The following GAB4 variants were observed in gnomAD, a reference collection of about 807,000 sequenced individuals.
GAB4 encodes the protein GRB2 associated binding protein family member 4.
A neutral mutation model predicts 51.3 loss-of-function variants in GAB4; 26 were observed. The observed-to-expected ratio is 0.51, with a 90% CI of 0.37 to 0.70. GAB4 has a LOEUF of 0.70. GAB4 is among the 30% of genes least tolerant of loss of function. The pLI, the probability that GAB4 is intolerant of heterozygous loss-of-function variation, is 0.00. For synonymous variants in GAB4, 329 were observed against 291.2 expected (o/e 1.13, Z -1.32); for missense variants, 759 against 734.6 (o/e 1.03, Z -0.38).
At chr22:16,976,018 T>C (rs1423068002) in intron 3 of GAB4, among the ~76,000 whole-genome samples, 1 of 151,636 alleles carries the variant, frequency 6.6e-6, no homozygotes, top group African/African-American at 2.4e-5. Flanking sequence ...AAAAACCCTA[T>C]CCGAAGATCA....
At chr22:16,993,188 A>G (rs1340926283) in intron 1 of GAB4, among the ~76,000 whole-genome samples, 1 of 152,172 alleles carries the variant, frequency 6.6e-6, no homozygotes, top group Non-Finnish European at 1.5e-5. Flanking sequence ...ACACAGGGAT[A>G]AAAGACTACC....
chr22:16,978,126 C>A (rs111580550), intron 3 of GAB4, among the ~76,000 whole-genome samples: 3,378 of 151,776 alleles, frequency 0.022, 58 homozygotes, highest in Middle Eastern at 0.068. Context: ...AAAGAACTAG[C>A]GAAGCAAGAG....
At chr22:17,005,798 G>A (rs376940658) in intron 1 of GAB4, among the ~76,000 whole-genome samples, 5 of 152,338 alleles carry the variant, frequency 3.3e-5, no homozygotes, top group Admixed American at 6.5e-5. Flanking sequence ...CTAGCCATGG[G>A]CAGAAAACTG....
At chr22:16,995,997 AAAC>A (rs2060946471) in intron 1 of GAB4, among the ~76,000 whole-genome samples, 1 of 152,034 alleles carries the variant, frequency 6.6e-6, no homozygotes, top group Admixed American at 6.6e-5. Context: ...AGATGGGTAA[AAAC>A]AAACTCCTCT....
intron 3 of GAB4, among the ~76,000 whole-genome samples, chr22:16,973,053 G>C (rs2060745811): frequency 1.3e-5 from 2 of 152,188 alleles, no homozygotes; most frequent in Admixed American, 1.3e-4. Flanking sequence ...GGCTTCTGAG[G>C]TCCCTCTGGC....
At chr22:17,004,026 C>G (rs1260703460) in intron 1 of GAB4, among the ~76,000 whole-genome samples, 1 of 152,170 alleles carries the variant, frequency 6.6e-6, no homozygotes, top group Non-Finnish European at 1.5e-5. Flanking sequence ...AAACTACCAT[C>G]AGAGAATACT....
At chr22:16,984,910 C>T (rs2060855173) in intron 3 of GAB4, among the ~76,000 whole-genome samples, 1 of 152,170 alleles carries the variant, frequency 6.6e-6, no homozygotes, top group South Asian at 2.1e-4. Flanking sequence ...AAGTTTTAAC[C>T]ACTGGCCCCA....
chr22:16,973,701 T>C (rs59059703), intron 3 of GAB4, among the ~76,000 whole-genome samples: 3,058 of 152,266 alleles, frequency 0.02, 102 homozygotes, highest in African/African-American at 0.07. Flanking sequence ...TGTGCCCCCA[T>C]AGCACCTGGG....
chr22:16,980,143 A>C (rs189808976), intron 3 of GAB4, among the ~76,000 whole-genome samples: 1 of 152,368 alleles, frequency 6.6e-6, no homozygotes, highest in African/African-American at 2.4e-5. Flanking sequence ...TGGCAACAAA[A>C]GCCAAAATAG....
rs181284352 is a variant in GAB4, at chr22:16,976,334, T to C, written c.687-6141A>G. 2.0e-4 allele frequency among the ~76,000 whole-genome samples: 31 copies of C among 152,234 alleles called. No homozygotes were observed. The East Asian group carries it at 6.0e-3, about 29-fold the overall frequency. On this transcript the variant is annotated intron_variant, in intron 3 of 9. Transcript: ENST00000400588. ...TCAGAGAAGAACATAAATGACCTAA[T>C]GGAGCTGAAAAACACAGCATGAGAA...
Position 16,968,138 on chromosome 22 carries a change from T to A in GAB4, c.1023+160A>T, listed in dbSNP as rs377327804. 1.8e-4 allele frequency among the ~76,000 whole-genome samples: 28 copies of A among 152,262 alleles called. 1 individual carries two copies. The highest frequency in any genetic ancestry group is 6.7e-4 in the African/African-American group (28 of 41,560). ...GACCTGGATACCAGTATCTCACTTA[T>A]CCAAAAACTGAACCTATGGTTCTGA... On this transcript the variant is annotated intron_variant, in intron 5 of 9. Transcript: ENST00000400588.
At chr22:16,996,567 G>A (rs1462450619) in intron 1 of GAB4, among the ~76,000 whole-genome samples, 1 of 152,070 alleles carries the variant, frequency 6.6e-6, no homozygotes, top group East Asian at 1.9e-4. Flanking sequence ...GAGAAAGGTC[G>A]GGCTACCCAC....
At chr22:16,994,720 C>T (rs1310314698) in intron 1 of GAB4, among the ~76,000 whole-genome samples, 1 of 152,160 alleles carries the variant, frequency 6.6e-6, no homozygotes, top group African/African-American at 2.4e-5. Context: ...CCAATCATGT[C>T]TTTTGAGAAT....
rs1404106531 is a variant in GAB4, at chr22:16,968,359, T to C, written c.962A>G (p.His321Arg). 1.2e-6 allele frequency: 2 copies of C among 1,614,062 alleles called. No individual in the cohort carries two copies. Among genetic ancestry groups the C allele is most frequent in the Non-Finnish European group, 1.7e-6 (2 of 1,179,904 alleles). ...AGGCCGGCTGGCATTCCCTCCACCA[T>C]GCTGGGTGTACTTGCCGGAGGAAGC... The part of the protein sequence containing the change: ...NEASSGKYTQ[H>R]GGGNASRPAE... Residue 321 changes from histidine to arginine, a missense_variant, in exon 5 of 10, where the codon CAT becomes CGT. His to Arg is a conservative substitution (Grantham distance 29). This residue lies in a region of GAB4 where 588 missense variants were observed against 510.2 expected (regional missense o/e 1.15). Transcript: ENST00000400588.
Position 16,968,161 on chromosome 22 carries a change from T to C in GAB4, c.1023+137A>G, listed in dbSNP as rs900080593. On this transcript the variant is annotated intron_variant, in intron 5 of 9. Transcript: ENST00000400588. ...TATCCAAAAACTGAACCTATGGTTC[T>C]GAACTGAGGCAAGAACCTAGGCAGC... 6.1e-4 allele frequency: 407 copies of C among 667,072 alleles called. 1 individual carries two copies. The highest frequency in any genetic ancestry group is 8.8e-4 in the Non-Finnish European group (320 of 365,004). The allele number at this position is 667,072 out of a possible 1,614,324, so 41.3% of individuals were successfully genotyped here.
In GAB4 at chr22:16,964,821, G is replaced by T. The variant is rs141562718; in HGVS notation, c.1421C>A (p.Thr474Lys). 5 of 1,613,996 alleles carry T rather than the reference G, an allele frequency of 3.1e-6. No individual in the cohort carries two copies. Among genetic ancestry groups the T allele is most frequent in the South Asian group, 1.1e-5 (1 of 91,060 alleles). ...DSSSSQHPIS[T>K]QSITNTDSED... The stretch of plus-strand genomic sequence containing the variant: ...TGAGTCTGTGTTGGTGATGCTCTGC[G>T]TGGAGATGGGGTGTTGGGAGGAGCT... Residue 474 changes from threonine to lysine, a missense_variant, in exon 8 of 10, where the codon ACG (threonine) becomes AAG (lysine). Thr to Lys is a moderately conservative substitution (Grantham distance 78, BLOSUM62 -1). Transcript: ENST00000400588.
chr22:16,967,745 A>G (rs1055809490), intron 5 of GAB4, among the ~76,000 whole-genome samples: 1 of 152,142 alleles, frequency 6.6e-6, no homozygotes, highest in African/African-American at 2.4e-5. Flanking sequence ...AAGAAGCCTG[A>G]CGCCAGGCCT....
At chr22:17,007,826 AAG>A in intron 1 of GAB4, 113 bp downstream of exon 1, 2 of 939,674 alleles carry the variant, frequency 2.1e-6, no homozygotes, top group East Asian at 2.7e-5. Flanking sequence ...AGACGTGGAG[AAG>A]TCGCCTCCAC....
chr22:17,006,447 G>A (rs2061040652), intron 1 of GAB4, among the ~76,000 whole-genome samples: 1 of 152,166 alleles, frequency 6.6e-6, no homozygotes. Flanking sequence ...AGACAGTGTG[G>A]CGACTCCTCA....
Sources: allele counts gnomAD v4.1 joint callset (sites outside exome capture counted in the v4.1 genomes callset), GRCh38; gene constraint gnomAD v4.1.1; regional missense constraint gnomAD v4.1.1; transcripts MANE v1.5; gene names NCBI Gene and HGNC (gene_info 2026-07-23, HGNC 2026-07-21).